The following SPAG9 variants were observed in gnomAD, a reference collection of about 807,000 sequenced individuals.
SPAG9 encodes the protein C-Jun-amino-terminal kinase-interacting protein 4.
In SPAG9, 35 loss-of-function variants were observed where a neutral mutation model predicts 166.5. That is an observed-to-expected ratio of 0.21 (90% confidence interval 0.16 to 0.28). The LOEUF (loss-of-function observed/expected upper bound fraction) is 0.28. Ranked by LOEUF, SPAG9 falls within the 10% of genes least tolerant of loss-of-function variation. The probability of loss-of-function intolerance (pLI) is 1.00; values close to 1 mark genes in which losing one functional copy is unlikely to be tolerated. For synonymous variants in SPAG9, 534 were observed against 565.5 expected (o/e 0.94, Z 0.79); for missense variants, 1,235 against 1,603.3 (o/e 0.77, Z 3.92).
chr17:51,041,334 A>C (rs2046830774), intron 5 of SPAG9, among the ~76,000 whole-genome samples, 167 bp downstream of exon 5: 1 of 152,222 alleles, frequency 6.6e-6, no homozygotes, highest in African/African-American at 2.4e-5. Context: ...AATAGTAAAA[A>C]ACACACTCTT....
chr17:50,975,172 C>T (rs1974123061), intron 27 of SPAG9: 1 of 448,682 alleles, frequency 2.2e-6, no homozygotes, highest in Non-Finnish European at 3.9e-6. Context: ...GCCAGTCTAG[C>T]AATAAGTAAG....
At chr17:51,058,475 T>G (rs1246157572) in intron 2 of SPAG9, among the ~76,000 whole-genome samples, 3 of 152,238 alleles carry the variant, frequency 2.0e-5, no homozygotes, top group South Asian at 4.1e-4. Flanking sequence ...CCTATCAGAA[T>G]CTGGCTCCAG....
At position 50,974,893 on chromosome 17, in the gene SPAG9, T is replaced by C. The variant is rs137878328; in HGVS notation, c.3578A>G (p.Tyr1193Cys). 7 of 1,612,584 alleles carry C rather than the reference T, an allele frequency of 4.3e-6. No individual in the cohort carries two copies. Among genetic ancestry groups the C allele is most frequent in the Non-Finnish European group, 5.9e-6 (7 of 1,179,734 alleles). ...CACTTTATCACTGTTTTCATCACCA[T>C]ATACACGGATTACACTTCCAGGACG... ...GNRPGSVIRV[Y>C]GDENSDKVTP... Residue 1193 changes from tyrosine to cysteine, a missense_variant, in exon 28 of 30, where the codon TAT becomes TGT. By Grantham distance (194) the Tyr-to-Cys change is radical. Coordinates refer to ENST00000262013, the MANE Select transcript of SPAG9 (RefSeq NM_001130528.3).
chr17:51,043,652 C>T (rs1351296042), intron 4 of SPAG9, among the ~76,000 whole-genome samples: 1 of 152,208 alleles, frequency 6.6e-6, no homozygotes, highest in African/African-American at 2.4e-5. Context: ...TACTAGCTGA[C>T]TTTTATTTAT....
chr17:51,031,613 G>T, intron 6 of SPAG9, 68 bp downstream of exon 6: 1 of 1,075,234 alleles, frequency 9.3e-7, no homozygotes, highest in South Asian at 1.3e-5. Flanking sequence ...AATAGCAGTT[G>T]AGGAAGTAAT....
In SPAG9 at chr17:51,077,069, GCTAT is replaced by G. The variant is rs1386824888; in HGVS notation, c.424+2511_424+2514del. ...AGCTATCTAGCTAGCTATCTAGCTA[GCTAT>G]CTAGCTATCTAGCTAGCTATCTATC... On this transcript the variant is annotated intron_variant, in intron 2 of 29. Transcript: ENST00000262013. Among the ~76,000 whole-genome samples, 310 of 120,978 alleles carry G rather than the reference GCTAT, an allele frequency of 2.6e-3. 1 individual carries two copies. Among genetic ancestry groups the G allele is most frequent in the Middle Eastern group, 8.2e-3 (2 of 244 alleles). The allele number at this position is 120,978 out of a possible 152,430, so 79.4% of individuals were successfully genotyped here. A position where few individuals can be genotyped will look rare whatever the true frequency, so the allele number is the denominator to read the frequency against.
chr17:51,081,317 G>A (rs540723750), intron 1 of SPAG9, among the ~76,000 whole-genome samples: 29 of 152,136 alleles, frequency 1.9e-4, no homozygotes, highest in Non-Finnish European at 1.5e-4. Flanking sequence ...TGGGCGTGGT[G>A]GCAGGCTCCT....
At chr17:51,106,203 T>G (rs943061643) in intron 1 of SPAG9, among the ~76,000 whole-genome samples, 1 of 150,606 alleles carries the variant, frequency 6.6e-6, no homozygotes, top group Non-Finnish European at 1.5e-5. Context: ...CTCAGGAGGT[T>G]GAGGCAAAAG....
intron 5 of SPAG9, among the ~76,000 whole-genome samples, chr17:51,036,565 C>T (rs936579870): frequency 1.3e-5 from 2 of 152,216 alleles, no homozygotes; most frequent in Non-Finnish European, 2.9e-5. Flanking sequence ...CTACCACACA[C>T]AGATGCTGCC....
intron 2 of SPAG9, among the ~76,000 whole-genome samples, chr17:51,056,773 A>G (rs550175220): frequency 1.7e-4 from 26 of 152,312 alleles, no homozygotes; most frequent in African/African-American, 9.6e-5. Flanking sequence ...CAAAAACACA[A>G]ATCACCTCAT....
chr17:51,088,269 A>T (rs568286333), intron 1 of SPAG9, among the ~76,000 whole-genome samples: 8 of 152,344 alleles, frequency 5.3e-5, no homozygotes, highest in Admixed American at 3.3e-4. Context: ...TCCAAATGCT[A>T]GGCAGTTAGG....
At chr17:51,053,854 A>AAAAAT (rs1491529465) in intron 3 of SPAG9, among the ~76,000 whole-genome samples, 3 of 34,446 alleles carry the variant, frequency 8.7e-5, no homozygotes, top group Admixed American at 4.8e-4. Context: ...AAAAAAAAAA[A>AAAAAT]GTATATATAT....
At chr17:51,115,699 G>A (rs979283157) in intron 1 of SPAG9, among the ~76,000 whole-genome samples, 3 of 151,942 alleles carry the variant, frequency 2.0e-5, no homozygotes, top group Admixed American at 6.6e-5. Context: ...GCGTGGTGGC[G>A]CATGCCTGTA....
chr17:51,052,305 T>C (rs1435704376), intron 3 of SPAG9, among the ~76,000 whole-genome samples: 1 of 152,218 alleles, frequency 6.6e-6, no homozygotes, highest in Non-Finnish European at 1.5e-5. Flanking sequence ...TAGCTATTTA[T>C]AATTGCTAAT....
In SPAG9 at chr17:51,114,752, C is replaced by T. The variant is rs547197694; in HGVS notation, c.303+5602G>A. On this transcript the variant is annotated intron_variant, in intron 1 of 29. Transcript: ENST00000262013. ...GAATCACTTGAGGTCAGGAGTTTTA[C>T]ACCACCCTGGCCAACATGGTGAAAC... 2.4e-4 allele frequency among the ~76,000 whole-genome samples: 37 copies of T among 152,126 alleles called. No homozygotes were observed. The East Asian group carries it at 7.0e-3, about 29-fold the overall frequency.
intron 2 of SPAG9, 96 bp from the exon 3 acceptor site, chr17:51,056,578 G>T: frequency 1.4e-6 from 1 of 729,030 alleles, no homozygotes; most frequent in Non-Finnish European, 2.4e-6. Context: ...ATAATCCTTA[G>T]CAACTTTCAG....
chr17:51,008,391 C>G (rs1177994129), intron 9 of SPAG9, among the ~76,000 whole-genome samples: 2 of 151,104 alleles, frequency 1.3e-5, no homozygotes, highest in African/African-American at 2.4e-5. Context: ...CAAAACAAAA[C>G]AAAAAAAACC....
chr17:51,093,853 C>T (rs968151717), intron 1 of SPAG9, among the ~76,000 whole-genome samples: 7 of 152,004 alleles, frequency 4.6e-5, no homozygotes, highest in African/African-American at 1.7e-4. Flanking sequence ...GGTAGACAGT[C>T]CCACACCAGA....
intron 1 of SPAG9, 46 bp from the exon 2 acceptor site, chr17:51,079,750 T>C (rs2048111254): frequency 7.6e-7 from 1 of 1,317,874 alleles, no homozygotes; most frequent in Non-Finnish European, 1.1e-6. Context: ...AATTAAACTT[T>C]ACATTTTCAA....
Sources: allele counts gnomAD v4.1 joint callset (sites outside exome capture counted in the v4.1 genomes callset), GRCh38; gene constraint gnomAD v4.1.1; transcripts MANE v1.5; gene names NCBI Gene and HGNC (gene_info 2026-07-23, HGNC 2026-07-21).